MYRF: variants seen among roughly 807,000 people sequenced by gnomAD.
MYRF encodes the protein myelin regulatory factor.
Under a neutral mutation model 126.3 loss-of-function variants are expected in MYRF, and 16 were observed. The observed-to-expected ratio is 0.13, with a 90% CI of 0.09 to 0.19. The LOEUF is 0.19. Among genes scored for constraint, MYRF ranks in the 10% least tolerant of loss-of-function variants. MYRF has a pLI of 1.00. For synonymous variants in MYRF, 608 were observed against 635.3 expected, an observed-to-expected ratio of 0.96 and a Z score of 0.65; for missense variants, 1,104 against 1,547.0, an observed-to-expected ratio of 0.71 and a Z score of 4.80.
chr11:61,777,464 G>GGTGGGGACAGGGCT lies in MYRF; in HGVS notation c.1791+7_1791+20dup, dbSNP rs755525124. On this transcript the variant is annotated frameshift_variant and splice_region_variant. Transcript: ENST00000278836. LOFTEE classifies it high-confidence loss of function. The surrounding 1 kb of genome is among the most constrained non-coding windows in gnomAD (Gnocchi z 8.8). ...TGCGCGCCAAGGAACACGTGCAGGAGGTGGGGACAGGGCTGTGGGGGCCGG... is the reference window on the plus strand; with the variant it reads ...TGCGCGCCAAGGAACACGTGCAGGAGGTGGGGACAGGGCTGTGGGGACAGGGCTGTGGGGGCCGG... 6.2e-7 allele frequency: 1 copy of GGTGGGGACAGGGCT among 1,604,912 alleles called. No individual in the cohort carries two copies. Among genetic ancestry groups the GGTGGGGACAGGGCT allele is most frequent in the Non-Finnish European group, 8.5e-7 (1 of 1,176,022 alleles).
chr11:61,779,185 G>A (rs1425427547), intron 14 of MYRF, 78 bp from the exon 15 acceptor site: 5 of 1,451,834 alleles, frequency 3.4e-6, no homozygotes, highest in Non-Finnish European at 4.6e-6. Flanking sequence ...GCCCCCTGAT[G>A]TCTGGCAGCC....
intron 1 of MYRF, among the ~76,000 whole-genome samples, chr11:61,754,833 T>C (rs1271207649): frequency 1.3e-5 from 2 of 151,848 alleles, no homozygotes; most frequent in African/African-American, 4.8e-5. Context: ...TGGGGGAAGG[T>C]GTGGGTGGCC....
Position 61,779,568 on chromosome 11 carries a change from A to G in MYRF, c.2245A>G (p.Lys749Glu). The G allele has an allele frequency of 6.7e-7, 1 of 1,496,376 alleles. No homozygotes were observed. Among genetic ancestry groups the G allele is most frequent in the Non-Finnish European group, 8.9e-7 (1 of 1,123,230 alleles). 92.7% of individuals were successfully genotyped at this position (1,496,376 alleles called of 1,614,324 possible). ...HKKRPPKVAS[K>E]SSSVVPDQAC... is the part of the protein sequence containing the mutation. ...GAAGAGGCCCCCCAAGGTGGCCAGCAAGGTAGGGGTGAGCAGGGATGGCAG... is the reference window on the plus strand; with the variant it reads ...GAAGAGGCCCCCCAAGGTGGCCAGCGAGGTAGGGGTGAGCAGGGATGGCAG... Residue 749 changes from lysine (K) to glutamate (E), a missense_variant and splice_region_variant, in exon 16 of 27, where the codon AAG (lysine) becomes GAG (glutamate). Lys to Glu is a moderately conservative substitution (Grantham distance 56, BLOSUM62 1). Around this residue, in one of 10 missense-constraint regions of MYRF, gnomAD observed 323 missense variants for 383.1 expected, o/e 0.84. Coordinates refer to ENST00000278836, the MANE Select transcript of MYRF (RefSeq NM_001127392.3).
rs895699128 is a variant in MYRF at position 61,786,368 on chromosome 11, T to G, written c.*225T>G. 6.9e-6 allele frequency: 4 copies of G among 582,142 alleles called. No individual in the cohort carries two copies. The highest frequency in any genetic ancestry group is 6.2e-6 in the Non-Finnish European group (2 of 325,050). The allele number at this position is 582,142 out of a possible 1,614,324, so 36.1% of individuals were successfully genotyped here. On this transcript the variant is annotated 3_prime_UTR_variant, in exon 27 of 27. Transcript: ENST00000278836. The surrounding 1 kb of genome is among the most constrained non-coding windows in gnomAD (Gnocchi z 4.5). ...CTGAGAGCCAGAGACTTCTTGGGCC[T>G]TCCTGCCTGCCACCCCCTAGGGGCC... is the stretch of plus-strand genomic sequence containing the variant.
At chr11:61,784,071 T>C in intron 24 of MYRF, 146 bp downstream of exon 24, 1 of 1,092,426 alleles carries the variant, frequency 9.2e-7, no homozygotes, top group African/African-American at 1.5e-5. Context: ...CATTGCCTAC[T>C]TCGTGGTTAA....
At position 61,765,946 on chromosome 11, in the gene MYRF, C is replaced by A. The variant is rs548654041; in HGVS notation, c.135-12C>A. Reference sequence around the variant, plus strand: ...GTCCTGGCTGGAGCTGAGCCGCCCCCCTTCCCCGCAGCTGCTTCCCTGACA... The same window carrying A: ...GTCCTGGCTGGAGCTGAGCCGCCCCACTTCCCCGCAGCTGCTTCCCTGACA... On this transcript the variant is annotated splice_polypyrimidine_tract_variant and intron_variant, in intron 2 of 26. Coordinates refer to ENST00000278836, the MANE Select transcript of MYRF (RefSeq NM_001127392.3). 1.2e-5 allele frequency: 18 copies of A among 1,490,530 alleles called. No homozygotes were observed. In the Admixed American group the frequency reaches 1.9e-4, roughly 16 times the overall value. 92.3% of individuals were successfully genotyped at this position (1,490,530 alleles called of 1,614,324 possible).
chr11:61,783,768 C>A lies in MYRF; in HGVS notation c.3120-83C>A. 1 of 1,445,330 alleles carries A rather than the reference C, an allele frequency of 6.9e-7. No homozygotes were observed. The highest frequency in any genetic ancestry group is 9.5e-7 in the Non-Finnish European group (1 of 1,051,186). The allele number at this position is 1,445,330 out of a possible 1,614,324, so 89.5% of individuals were successfully genotyped here. ...CTGTCTCTTCTGGAGGGCTCCAGTA[C>A]AGATTGGGGGCTGAGGAGTCCCTGG... On this transcript the variant is annotated intron_variant, in intron 23 of 26. Coordinates refer to ENST00000278836, the MANE Select transcript of MYRF (RefSeq NM_001127392.3). This position sits in a 1 kb window ranked among gnomAD's most constrained non-coding sequence, Gnocchi z 4.6.
Position 61,757,054 on chromosome 11 carries a change from C to A in MYRF, c.46+4264C>A. ...ATTAACTGAATCATTAACTGGGTGGCCCCGCCCTACCCAGGCAGCCTGCCT... is the reference window on the plus strand; with the variant it reads ...ATTAACTGAATCATTAACTGGGTGGACCCGCCCTACCCAGGCAGCCTGCCT... On this transcript the variant is annotated intron_variant, in intron 1 of 26. Transcript: ENST00000278836. This position sits in a 1 kb window ranked among gnomAD's most constrained non-coding sequence, Gnocchi z 4.7. 2.4e-6 allele frequency: 1 copy of A among 415,796 alleles called. No individual in the cohort carries two copies. The highest frequency in any genetic ancestry group is 1.7e-5 in the South Asian group (1 of 60,130). 25.8% of individuals were successfully genotyped at this position (415,796 alleles called of 1,614,324 possible).
intron 1 of MYRF, among the ~76,000 whole-genome samples, chr11:61,754,780 C>T (rs1042643762): frequency 2.6e-5 from 4 of 152,262 alleles, no homozygotes; most frequent in Admixed American, 6.5e-5. Flanking sequence ...TGAGGCTGCC[C>T]GTCTAGGAGG....
chr11:61,755,271 C>T, intron 1 of MYRF: 1 of 1,184,466 alleles, frequency 8.4e-7, no homozygotes, highest in Middle Eastern at 2.8e-4. Flanking sequence ...GGCTAAGGCG[C>T]TTTGGACCTC....
intron 20 of MYRF, 27 bp downstream of exon 20, chr11:61,781,072 G>A (rs1288143224): frequency 1.2e-6 from 2 of 1,610,472 alleles, no homozygotes; most frequent in South Asian, 1.1e-5. Flanking sequence ...GTCTGGGTAG[G>A]ACAGGGAGGT....
Position 61,786,078 on chromosome 11 carries a change from A to G in MYRF, c.3391A>G (p.Ser1131Gly), listed in dbSNP as rs377228757. 6.3e-5 allele frequency: 102 copies of G among 1,614,046 alleles called. No individual in the cohort carries two copies. Among genetic ancestry groups the G allele is most frequent in the Non-Finnish European group, 8.4e-5 (99 of 1,180,010 alleles). The part of the protein sequence containing the change: ...RVALLGQANC[S>G]SEALAQPATD... The stretch of plus-strand genomic sequence containing the variant: ...TTCCACCCAGGGTCAGGCCAACTGC[A>G]GTTCAGAGGCTCTCGCCCAGCCAGC... Residue 1131 changes from serine (S) to glycine (G), a missense_variant, in exon 27 of 27, where the codon AGT (serine) becomes GGT (glycine). Coordinates refer to ENST00000278836, the MANE Select transcript of MYRF (RefSeq NM_001127392.3). This position sits in a 1 kb window ranked among gnomAD's most constrained non-coding sequence, Gnocchi z 4.5.
intron 1 of MYRF, among the ~76,000 whole-genome samples, 197 bp from the exon 2 acceptor site, chr11:61,765,428 G>T (rs995479464): frequency 1.3e-5 from 2 of 152,140 alleles, no homozygotes; most frequent in Admixed American, 1.3e-4. Flanking sequence ...GGGGCGGGGG[G>T]GCATTATCAG....
Position 61,786,540 on chromosome 11 carries a change from G to A in MYRF, c.*397G>A, listed in dbSNP as rs1319499615. ...TTTTGAGACTGGAGCCAACCCTTTT[G>A]GAGAGAGGACCTGCCCACCTTTGAG... On this transcript the variant is annotated 3_prime_UTR_variant, in exon 27 of 27. Transcript: ENST00000278836. The surrounding 1 kb of genome is among the most constrained non-coding windows in gnomAD (Gnocchi z 4.5). 4.5e-6 allele frequency: 1 copy of A among 223,894 alleles called. No homozygotes were observed. Among genetic ancestry groups the A allele is most frequent in the East Asian group, 1.1e-4 (1 of 9,496 alleles). The allele number at this position is 223,894 out of a possible 1,614,324, so 13.9% of individuals were successfully genotyped here. A position where few individuals can be genotyped will look rare whatever the true frequency, so the allele number is the denominator to read the frequency against.
Position 61,788,496 on chromosome 11 carries a change from T to G in MYRF, c.*2353T>G, listed in dbSNP as rs2066744976. ...GTAAATATACATATATAAATAAATG[T>G]ATAAATACTGCTTTGTATCTGAGCT... On this transcript the variant is annotated 3_prime_UTR_variant, in exon 27 of 27. Transcript: ENST00000278836. 3 of 152,208 alleles carry G rather than the reference T, an allele frequency of 2.0e-5. No individual in the cohort carries two copies. The highest frequency in any genetic ancestry group is 4.4e-5 in the Non-Finnish European group (3 of 68,036). The allele number at this position is 152,208 out of a possible 1,614,324, so 9.4% of individuals were successfully genotyped here. A position where few individuals can be genotyped will look rare whatever the true frequency, so the allele number is the denominator to read the frequency against.
At chr11:61,753,564 C>G (rs905417488) in intron 1 of MYRF, among the ~76,000 whole-genome samples, 1 of 152,116 alleles carries the variant, frequency 6.6e-6, no homozygotes, top group Admixed American at 6.5e-5. Flanking sequence ...TGCATCCCAC[C>G]AGCCCTCTGA....
At chr11:61,781,988 A>C in intron 22 of MYRF, 164 bp downstream of exon 22, 1 of 750,378 alleles carries the variant, frequency 1.3e-6, no homozygotes, top group Non-Finnish European at 2.0e-6. Flanking sequence ...AGCCTTACAT[A>C]GATCATCCCA....
rs2066707212 is a variant in MYRF at position 61,786,917 on chromosome 11, T to C, written c.*774T>C. 6.5e-6 allele frequency: 1 copy of C among 152,778 alleles called. No individual in the cohort carries two copies. Among genetic ancestry groups the C allele is most frequent in the Non-Finnish European group, 1.5e-5 (1 of 68,092 alleles). 9.5% of individuals were successfully genotyped at this position (152,778 alleles called of 1,614,324 possible). ...AGGGGCCAGTGGGCCAGGTAAGCCC[T>C]AGAGCCTTGAACCAGGAATATCCAG... is the stretch of plus-strand genomic sequence containing the variant. On this transcript the variant is annotated 3_prime_UTR_variant, in exon 27 of 27. Transcript: ENST00000278836. This position sits in a 1 kb window ranked among gnomAD's most constrained non-coding sequence, Gnocchi z 4.5.
At chr11:61,763,095 T>C (rs1487873336) in intron 1 of MYRF, among the ~76,000 whole-genome samples, 1 of 152,084 alleles carries the variant, frequency 6.6e-6, no homozygotes, top group African/African-American at 2.4e-5. Flanking sequence ...TCATTCACCG[T>C]AGATTCCAAG....
Sources: gnomAD v4.1 joint callset for allele counts (sites outside exome capture counted in the v4.1 genomes callset) on GRCh38, gnomAD v4.1.1 for gene constraint, gnomAD v4.1.1 regional missense constraint, Gnocchi (gnomAD v3.1) non-coding constraint, MANE v1.5 for transcripts, NCBI Gene and HGNC (gene_info 2026-07-23, HGNC 2026-07-21) for gene names.